OLFM3: variants seen among roughly 807,000 people sequenced by gnomAD.
The protein encoded by OLFM3 is olfactomedin 3.
OLFM3 carries 20 observed loss-of-function variants against 48.6 expected under a neutral mutation model. That is an observed-to-expected ratio of 0.41 (90% CI 0.29 to 0.60). The LOEUF (loss-of-function observed/expected upper bound fraction) is 0.60. Ranked by LOEUF, OLFM3 falls within the 20% of genes least tolerant of loss-of-function variation. The pLI is 0.28. For synonymous variants in OLFM3, 222 were observed against 198.1 expected, an observed-to-expected ratio of 1.12 and a Z score of -1.01; for missense variants, 437 against 544.3, an observed-to-expected ratio of 0.80 and a Z score of 1.96.
At chr1:101,886,900 G>T (rs911504179) in intron 1 of OLFM3, among the ~76,000 whole-genome samples, 2 of 151,982 alleles carry the variant, frequency 1.3e-5, no homozygotes, top group African/African-American at 4.8e-5. Flanking sequence ...GACAGGCTCT[G>T]GGTATAATAA....
In OLFM3 at chr1:101,931,944, C is replaced by A. The variant is rs1301390650; in HGVS notation, c.69+64804G>T. Reference sequence around the variant, plus strand: ...CACACTCATCTTGTTCTCACATGATCAACTAAAGGTGACCTACAATAATGA... The same window carrying A: ...CACACTCATCTTGTTCTCACATGATAAACTAAAGGTGACCTACAATAATGA... On this transcript the variant is annotated intron_variant, in intron 1 of 5. Transcript: ENST00000370103. Among the ~76,000 whole-genome samples, 3 of 152,254 alleles carry A rather than the reference C, an allele frequency of 2.0e-5. No homozygotes were observed. In the East Asian group the frequency reaches 5.8e-4, roughly 29 times the overall value.
chr1:101,933,619 G>C (rs1659523790), intron 1 of OLFM3, among the ~76,000 whole-genome samples: 1 of 152,074 alleles, frequency 6.6e-6, no homozygotes, highest in Admixed American at 6.6e-5. Flanking sequence ...GAGAACCCTT[G>C]TGAGGTGTTA....
At chr1:101,875,678 A>G (rs1657271612) in intron 1 of OLFM3, among the ~76,000 whole-genome samples, 1 of 151,900 alleles carries the variant, frequency 6.6e-6, no homozygotes, top group Admixed American at 6.6e-5. Context: ...GTCATTTCCA[A>G]TATTCCATTT....
intron 1 of OLFM3, among the ~76,000 whole-genome samples, chr1:101,977,126 G>A (rs1420214325): frequency 6.6e-6 from 1 of 152,084 alleles, no homozygotes; most frequent in Non-Finnish European, 1.5e-5. Context: ...TTCAAAGGTA[G>A]AATTAACATC....
intron 1 of OLFM3, among the ~76,000 whole-genome samples, chr1:101,881,042 T>C (rs991844414): frequency 2.0e-5 from 3 of 151,840 alleles, no homozygotes; most frequent in Admixed American, 1.3e-4. Context: ...CAAAGGTTAA[T>C]ACTTTTTGGG....
chr1:101,820,047 G>A (rs906182179), intron 4 of OLFM3, among the ~76,000 whole-genome samples: 1 of 152,000 alleles, frequency 6.6e-6, no homozygotes. Flanking sequence ...TCCCATCCTT[G>A]TATCCACAAA....
chr1:101,846,136 T>C (rs569095434), intron 1 of OLFM3, among the ~76,000 whole-genome samples: 1 of 152,222 alleles, frequency 6.6e-6, no homozygotes, highest in Non-Finnish European at 1.5e-5. Flanking sequence ...TGCTTCAAAC[T>C]ATCAGGAAAT....
At chr1:101,872,274 T>G (rs1657112262) in intron 1 of OLFM3, among the ~76,000 whole-genome samples, 1 of 152,046 alleles carries the variant, frequency 6.6e-6, no homozygotes, top group Non-Finnish European at 1.5e-5. Flanking sequence ...ATTTATTTGT[T>G]TCTTTGATTT....
intron 1 of OLFM3, among the ~76,000 whole-genome samples, chr1:101,969,565 T>G (rs1351601950): frequency 2.0e-5 from 3 of 152,194 alleles, no homozygotes; most frequent in Non-Finnish European, 4.4e-5. Context: ...TTCCTCTATT[T>G]AAATAATCAA....
intron 1 of OLFM3, among the ~76,000 whole-genome samples, chr1:101,871,917 A>G (rs557529462): frequency 4.7e-4 from 71 of 152,206 alleles, no homozygotes; most frequent in African/African-American, 1.7e-3. Flanking sequence ...ATGAGTGCAT[A>G]ATATGATGAA....
At chr1:101,970,397 G>A (rs1473878212) in intron 1 of OLFM3, among the ~76,000 whole-genome samples, 1 of 152,196 alleles carries the variant, frequency 6.6e-6, no homozygotes, top group Non-Finnish European at 1.5e-5. Flanking sequence ...AGAGAATGGG[G>A]AAAAGTGAGG....
At chr1:101,876,727 T>C (rs1375624056) in intron 1 of OLFM3, among the ~76,000 whole-genome samples, 2 of 152,014 alleles carry the variant, frequency 1.3e-5, no homozygotes, top group Non-Finnish European at 2.9e-5. Flanking sequence ...TTTTATTTTT[T>C]AATAATAATC....
At chr1:101,830,211 A>T (rs1434434600) in intron 3 of OLFM3, among the ~76,000 whole-genome samples, 1 of 151,924 alleles carries the variant, frequency 6.6e-6, no homozygotes, top group African/African-American at 2.4e-5. Context: ...TTTTTTCTCC[A>T]TTTTCAGTAT....
In OLFM3 at chr1:101,952,443, G is replaced by A. The variant is rs370468918; in HGVS notation, c.69+44305C>T. Among the ~76,000 whole-genome samples, 4 of 152,118 alleles carry A rather than the reference G, an allele frequency of 2.6e-5. No individual in the cohort carries two copies. In the South Asian group the frequency reaches 8.3e-4, roughly 32 times the overall value. ...TTAAAGCAACAGAAACATTTTTTGT[G>A]AGTAGATGGTATATATAATGACTAA... On this transcript the variant is annotated intron_variant, in intron 1 of 5. Transcript: ENST00000370103.
chr1:101,880,807 G>T (rs1269901415), intron 1 of OLFM3, among the ~76,000 whole-genome samples: 1 of 151,766 alleles, frequency 6.6e-6, no homozygotes, highest in East Asian at 1.9e-4. Context: ...TATATATGTT[G>T]CATCCTGTGC....
intron 3 of OLFM3, among the ~76,000 whole-genome samples, chr1:101,828,066 G>GTCTCTATCTCTCTC (rs1654968114): frequency 7.0e-6 from 1 of 141,898 alleles, no homozygotes; most frequent in African/African-American, 2.6e-5. Context: ...CTCTCTCTCT[G>GTCTCTATCTCTCTC]TCTCTCTCTC....
chr1:101,888,274 A>G (rs1389572032), intron 1 of OLFM3, among the ~76,000 whole-genome samples: 3 of 152,184 alleles, frequency 2.0e-5, no homozygotes, highest in Non-Finnish European at 4.4e-5. Context: ...AGTATCCAAA[A>G]CAGCATGGTA....
chr1:101,886,750 G>A (rs1657776730), intron 1 of OLFM3, among the ~76,000 whole-genome samples: 1 of 152,066 alleles, frequency 6.6e-6, no homozygotes, highest in Non-Finnish European at 1.5e-5. Context: ...ACCATATGAA[G>A]ACACTAAATT....
intron 4 of OLFM3, chr1:101,812,531 C>A (rs1654117483): frequency 7.1e-6 from 7 of 985,194 alleles, no homozygotes; most frequent in Non-Finnish European, 8.4e-6. Flanking sequence ...TTAGTTGAAA[C>A]CTGAACAAGA....
Sources: gnomAD v4.1 joint callset for allele counts (sites outside exome capture counted in the v4.1 genomes callset) on GRCh38, gnomAD v4.1.1 for gene constraint, MANE v1.5 for transcripts, NCBI Gene and HGNC (gene_info 2026-07-23, HGNC 2026-07-21) for gene names.